The following UGT1A7 variants were observed in gnomAD, a reference collection of about 807,000 sequenced individuals.
UGT1A7 encodes UDP-glucuronosyltransferase 1A7.
A neutral mutation model predicts 45.6 loss-of-function variants in UGT1A7; 33 were observed. The observed-to-expected ratio is 0.72, with a 90% CI of 0.55 to 0.97. The LOEUF is 0.97. Among genes scored for constraint, UGT1A7 ranks in the 50% least tolerant of loss-of-function variants. The probability of loss-of-function intolerance (pLI) is 0.00; values close to 1 mark genes in which losing one functional copy is unlikely to be tolerated. For synonymous variants in UGT1A7, 274 were observed against 250.6 expected (o/e 1.09, Z -0.88); for missense variants, 684 against 666.2 (o/e 1.03, Z -0.29).
At chr2:233,761,658 A>C (rs1473319616) in intron 1 of UGT1A7, among the ~76,000 whole-genome samples, 1 of 152,256 alleles carries the variant, frequency 6.6e-6, no homozygotes, top group African/African-American at 2.4e-5. Context: ...TAATGAGTGA[A>C]TCACCAGACA....
intron 1 of UGT1A7, among the ~76,000 whole-genome samples, chr2:233,737,484 A>G (rs561393011): frequency 6.6e-6 from 1 of 152,316 alleles, no homozygotes; most frequent in East Asian, 1.9e-4. Context: ...TGTCTAGGAA[A>G]GGGAAATCCC....
chr2:233,724,182 C>T (rs1411199563), intron 1 of UGT1A7, among the ~76,000 whole-genome samples: 18 of 119,544 alleles, frequency 1.5e-4, no homozygotes, highest in African/African-American at 3.0e-4. Flanking sequence ...ATCTCCCTCC[C>T]GGACGGGGTG....
At chr2:233,704,256 C>CTTTTT (rs59925871) in intron 1 of UGT1A7, among the ~76,000 whole-genome samples, 19 of 123,678 alleles carry the variant, frequency 1.5e-4, no homozygotes, top group African/African-American at 4.6e-4. Flanking sequence ...GCCTTTATTG[C>CTTTTT]TTTTTTTTTT....
intron 1 of UGT1A7, among the ~76,000 whole-genome samples, chr2:233,724,475 T>C (rs568755731): frequency 9.3e-4 from 64 of 68,704 alleles, no homozygotes; most frequent in Middle Eastern, 7.8e-3. Flanking sequence ...GGCTCCTCAC[T>C]TCTCAGACGG....
chr2:233,729,648 G>A lies in UGT1A7; in HGVS notation c.856-37386G>A, dbSNP rs777442066. 3.1e-6 allele frequency: 5 copies of A among 1,613,800 alleles called. No homozygotes were observed. In the South Asian group the frequency reaches 5.5e-5, roughly 18 times the overall value. On this transcript the variant is annotated intron_variant, in intron 1 of 4. Coordinates refer to ENST00000373426, the MANE Select transcript of UGT1A7 (RefSeq NM_019077.3). ...CGATTCCTACTGTGTTTTTTTTGAG[G>A]AACATTCCATGTGATTTAGACTTTA... is the stretch of plus-strand genomic sequence containing the variant.
chr2:233,757,353 G>C (rs373045458), intron 1 of UGT1A7, among the ~76,000 whole-genome samples: 1 of 151,254 alleles, frequency 6.6e-6, no homozygotes, highest in African/African-American at 2.4e-5. Flanking sequence ...GGGTCTGAGA[G>C]ACAGTGGTAG....
At chr2:233,691,132 T>A in intron 1 of UGT1A7, 1 of 985,806 alleles carries the variant, frequency 1.0e-6, no homozygotes, top group Non-Finnish European at 1.2e-6. Context: ...CCATTCTTCC[T>A]CTAGATGAAC....
Position 233,693,709 on chromosome 2 carries a change from T to G in UGT1A7, c.855+10917T>G, listed in dbSNP as rs2075176128. ...CAAAGTATGAAGAACTCGCATCAGC[T>G]GTCCTCAAGAGAGATGTGGATATAA... On this transcript the variant is annotated intron_variant, in intron 1 of 4. Transcript: ENST00000373426. 3 of 1,614,230 alleles carry G rather than the reference T, an allele frequency of 1.9e-6. No homozygotes were observed. In the East Asian group the frequency reaches 6.7e-5, roughly 36 times the overall value.
rs1315279815 is a variant in UGT1A7 at position 233,769,066 on chromosome 2, A to T, written c.1295+627A>T. Reference sequence around the variant, plus strand: ...ATCCATAAGTTTCCTGCACAGAAAGAAATACTCCATTATAAGAAGCATAGT... The same window carrying T: ...ATCCATAAGTTTCCTGCACAGAAAGTAATACTCCATTATAAGAAGCATAGT... On this transcript the variant is annotated intron_variant, in intron 4 of 4. Transcript: ENST00000373426. The surrounding 1 kb of genome is among the most constrained non-coding windows in gnomAD (Gnocchi z 4.4). 6.6e-6 allele frequency among the ~76,000 whole-genome samples: 1 copy of T among 152,220 alleles called. No homozygotes were observed. Among genetic ancestry groups the T allele is most frequent in the African/African-American group, 2.4e-5 (1 of 41,470 alleles).
At chr2:233,713,778 A>G (rs1288878856) in intron 1 of UGT1A7, 1 of 1,613,946 alleles carries the variant, frequency 6.2e-7, no homozygotes, top group East Asian at 2.2e-5. Flanking sequence ...GGACTTTGTG[A>G]TGGATTACCC....
Position 233,744,327 on chromosome 2 carries a change from G to GAC in UGT1A7, c.856-22707_856-22706insAC, listed in dbSNP as rs1692775821. Among the ~76,000 whole-genome samples, 2 of 151,850 alleles carry GAC rather than the reference G, an allele frequency of 1.3e-5. 1 individual carries two copies. The highest frequency in any genetic ancestry group is 4.9e-5 in the African/African-American group (2 of 41,110). ...GGAGGGAAGAGGGTGGTGGGAGTGA[G>GAC]TTTAGTCTGACTGGGGCTGAAGACA... On this transcript the variant is annotated intron_variant, in intron 1 of 4. Transcript: ENST00000373426.
At position 233,747,166 on chromosome 2, in the gene UGT1A7, G is replaced by C. The variant is rs1272270999; in HGVS notation, c.856-19868G>C. The C allele has an allele frequency of 9.4e-6, 15 of 1,592,462 alleles. No individual in the cohort carries two copies. In the East Asian group the frequency reaches 2.9e-4, roughly 31 times the overall value. On this transcript the variant is annotated intron_variant, in intron 1 of 4. Coordinates refer to ENST00000373426, the MANE Select transcript of UGT1A7 (RefSeq NM_019077.3). ...ATTAAGATGAAGAAAACAAATGTAG[G>C]AGGCACAGCGTGGGGTGGACAGTCA...
intron 1 of UGT1A7, among the ~76,000 whole-genome samples, chr2:233,692,500 C>A (rs1041698214): frequency 6.6e-6 from 1 of 152,058 alleles, no homozygotes; most frequent in African/African-American, 2.4e-5. Context: ...AGGACTGAGC[C>A]CTTAACCTGT....
intron 1 of UGT1A7, among the ~76,000 whole-genome samples, chr2:233,722,610 G>T (rs1001116668): frequency 5.9e-5 from 9 of 152,028 alleles, no homozygotes; most frequent in Non-Finnish European, 1.3e-4. Context: ...CTTTACATTT[G>T]ATTTTTCTTA....
At chr2:233,695,012 T>C (rs1343178534) in intron 1 of UGT1A7, among the ~76,000 whole-genome samples, 2 of 152,232 alleles carry the variant, frequency 1.3e-5, no homozygotes, top group African/African-American at 4.8e-5. Context: ...TTTCTAGCTA[T>C]TTTGAACTGC....
chr2:233,719,136 C>T (rs2076730014), intron 1 of UGT1A7: 26 of 1,614,246 alleles, frequency 1.6e-5, no homozygotes, highest in Non-Finnish European at 2.0e-5. Context: ...AACAGAACAT[C>T]TTCTGAAGAG....
intron 1 of UGT1A7, among the ~76,000 whole-genome samples, chr2:233,717,169 G>A (rs976898395): frequency 6.6e-6 from 1 of 152,210 alleles, no homozygotes; most frequent in African/African-American, 2.4e-5. Flanking sequence ...CCCCTTGAAT[G>A]TGGCAAGAGC....
At position 233,744,814 on chromosome 2, in the gene UGT1A7, C is replaced by T. The variant is rs571865422; in HGVS notation, c.856-22220C>T. 9.2e-5 allele frequency among the ~76,000 whole-genome samples: 14 copies of T among 152,002 alleles called. No individual in the cohort carries two copies. In the East Asian group the frequency reaches 9.6e-4, roughly 10 times the overall value. On this transcript the variant is annotated intron_variant, in intron 1 of 4. Transcript: ENST00000373426. ...CTTGGGGATCCCTAGGATTTCCTGG[C>T]TCATACTTTGAGAATCGCTAGTCTA...
intron 4 of UGT1A7, chr2:233,770,954 G>C (rs1038327841): frequency 2.6e-5 from 4 of 152,166 alleles, no homozygotes; most frequent in African/African-American, 9.7e-5. Flanking sequence ...ACCTCAGGGA[G>C]CTTTTACTCA....
Sources: gnomAD v4.1 joint callset for allele counts (sites outside exome capture counted in the v4.1 genomes callset) on GRCh38, gnomAD v4.1.1 for gene constraint, Gnocchi (gnomAD v3.1) non-coding constraint, MANE v1.5 for transcripts, NCBI Gene and HGNC (gene_info 2026-07-23, HGNC 2026-07-21) for gene names.